Variants in MRTFA observed in about 807,000 individuals in gnomAD.
MRTFA encodes the protein myocardin related transcription factor A.
MRTFA carries 20 observed loss-of-function variants against 83.5 expected under a neutral mutation model. The ratio of observed to expected loss-of-function variants is 0.24; its 90% CI spans 0.17 to 0.35. The LOEUF (loss-of-function observed/expected upper bound fraction) is 0.35, where lower values mean the gene tolerates loss of function less well. MRTFA is among the 10% of genes least tolerant of loss of function. The probability of loss-of-function intolerance (pLI) is 1.00; values close to 1 mark genes in which losing one functional copy is unlikely to be tolerated. For missense variants in MRTFA, 1,200 were observed against 1,224.7 expected, an observed-to-expected ratio of 0.98 and a Z score of 0.30; for synonymous variants, 659 against 541.2, an observed-to-expected ratio of 1.22 and a Z score of -3.02.
At chr22:40,557,272 A>G (rs1181722127) in intron 2 of MRTFA, among the ~76,000 whole-genome samples, 2 of 152,232 alleles carry the variant, frequency 1.3e-5, no homozygotes, top group African/African-American at 2.4e-5. Flanking sequence ...AAATAATGTT[A>G]GGCAGTCAAG....
chr22:40,469,858 G>A (rs931954041), intron 3 of MRTFA, among the ~76,000 whole-genome samples: 3 of 152,000 alleles, frequency 2.0e-5, no homozygotes, highest in South Asian at 2.1e-4. Flanking sequence ...CAGAAAAATC[G>A]CTTGAGGCCA....
At chr22:40,533,503 G>T in intron 3 of MRTFA, 3 of 735,130 alleles carry the variant, frequency 4.1e-6, no homozygotes, top group South Asian at 7.1e-5. Context: ...GTACAAATAT[G>T]ACCCATTTTT....
chr22:40,523,302 A>C (rs1290671855), intron 3 of MRTFA: 1 of 152,196 alleles, frequency 6.6e-6, no homozygotes, highest in Non-Finnish European at 1.5e-5. Flanking sequence ...ATAAAAATAA[A>C]ATATCTTTTG....
rs906216524 is a variant in MRTFA, at chr22:40,410,795, A to G, written c.*595T>C. On this transcript the variant is annotated 3_prime_UTR_variant, in exon 15 of 15. Coordinates refer to ENST00000355630, the MANE Select transcript of MRTFA (RefSeq NM_020831.6). ...CCTGTCCGCCCCCCCCCAAAAATAT[A>G]TATGTATGTCGATATATAATATAGA... 8.6e-6 allele frequency: 2 copies of G among 232,218 alleles called. No individual in the cohort carries two copies. The highest frequency in any genetic ancestry group is 4.4e-5 in the African/African-American group (2 of 45,116). 14.4% of individuals were successfully genotyped at this position (232,218 alleles called of 1,614,324 possible). A position where few individuals can be genotyped will look rare whatever the true frequency, so the allele number is the denominator to read the frequency against.
chr22:40,552,262 C>G lies in MRTFA; in HGVS notation c.85G>C (p.Asp29His), dbSNP rs1427651169. The change falls in exon 3 of 15, where the codon GAT (aspartate) becomes CAT (histidine). Residue 29 changes from aspartate (D) to histidine (H), a missense_variant. Coordinates refer to ENST00000355630, the MANE Select transcript of MRTFA (RefSeq NM_020831.6). Reference sequence around the variant, plus strand: ...GATAAGGACACGAGCACTGGTTCATCATCATTTTCGCCGGCCCCTCCTCCG... The same window carrying G: ...GATAAGGACACGAGCACTGGTTCATGATCATTTTCGCCGGCCCCTCCTCCG... 2.5e-6 allele frequency: 1 copy of G among 398,922 alleles called. No individual in the cohort carries two copies. The highest frequency in any genetic ancestry group is 4.4e-6 in the Non-Finnish European group (1 of 226,096). 24.7% of individuals were successfully genotyped at this position (398,922 alleles called of 1,614,324 possible).
At chr22:40,631,612 C>G (rs1306833335) in intron 1 of MRTFA, among the ~76,000 whole-genome samples, 1 of 151,722 alleles carries the variant, frequency 6.6e-6, no homozygotes, top group Non-Finnish European at 1.5e-5. Flanking sequence ...TTACTGTTTT[C>G]ATCAATATAA....
rs560977349 is a variant in MRTFA, at chr22:40,535,352, T to C, written c.241+16754A>G. 8.9e-4 allele frequency among the ~76,000 whole-genome samples: 116 copies of C among 130,714 alleles called. 3 individuals carry two copies. The South Asian group carries it at 0.011, about 13-fold the overall frequency. 85.8% of individuals were successfully genotyped at this position (130,714 alleles called of 152,430 possible). A position where few individuals can be genotyped will look rare whatever the true frequency, so the allele number is the denominator to read the frequency against. ...TTGCTGTGTGAGAGGTTTTTTCTTT[T>C]TTTTTTTTTTTTTCTTTTTGAGACT... On this transcript the variant is annotated intron_variant, in intron 3 of 14. Transcript: ENST00000355630.
chr22:40,526,570 A>AT (rs2054977268), intron 3 of MRTFA: 1 of 152,268 alleles, frequency 6.6e-6, no homozygotes, highest in Non-Finnish European at 1.5e-5. Flanking sequence ...GTAGACGAGT[A>AT]TAAGGACTGT....
chr22:40,450,930 T>C (rs2053475273), intron 4 of MRTFA, among the ~76,000 whole-genome samples: 1 of 152,204 alleles, frequency 6.6e-6, no homozygotes, highest in Non-Finnish European at 1.5e-5. Context: ...TCAGTGCCCG[T>C]GTAACCTACA....
intron 5 of MRTFA, 123 bp downstream of exon 5, chr22:40,435,376 T>G: frequency 9.6e-7 from 1 of 1,043,094 alleles, no homozygotes. Flanking sequence ...GGGCTGGCCC[T>G]AGAGTCTAGC....
At chr22:40,435,070 C>T (rs1006586617) in intron 5 of MRTFA, among the ~76,000 whole-genome samples, 6 of 152,178 alleles carry the variant, frequency 3.9e-5, no homozygotes, top group Non-Finnish European at 5.9e-5. Flanking sequence ...CCTTGGAATG[C>T]CCGTCCTGTG....
chr22:40,509,447 C>G (rs2054631871), intron 3 of MRTFA, among the ~76,000 whole-genome samples: 1 of 152,162 alleles, frequency 6.6e-6, no homozygotes. Context: ...TGATAAAAAG[C>G]CAAATTCTCC....
intron 3 of MRTFA, among the ~76,000 whole-genome samples, chr22:40,518,835 T>G (rs1329681271): frequency 6.6e-6 from 1 of 151,168 alleles, no homozygotes; most frequent in East Asian, 1.9e-4. Flanking sequence ...GTGTCTGTCT[T>G]TCCTCTTCAT....
intron 4 of MRTFA, among the ~76,000 whole-genome samples, chr22:40,459,239 CAA>C (rs59958160): frequency 2.8e-3 from 248 of 87,092 alleles, no homozygotes; most frequent in African/African-American, 9.3e-3. Flanking sequence ...AGGGGTCTGG[CAA>C]AAAAAAAAAA....
At chr22:40,483,220 C>T (rs530189869) in intron 3 of MRTFA, among the ~76,000 whole-genome samples, 1 of 152,096 alleles carries the variant, frequency 6.6e-6, no homozygotes, top group African/African-American at 2.4e-5. Flanking sequence ...TCCACCACGT[C>T]TGGCTAATTT....
intron 1 of MRTFA, among the ~76,000 whole-genome samples, chr22:40,615,640 G>A (rs2056439528): frequency 6.6e-6 from 1 of 150,884 alleles, no homozygotes; most frequent in African/African-American, 2.4e-5. Flanking sequence ...ACTTCTCTTG[G>A]CAATGTTTTA....
intron 3 of MRTFA, among the ~76,000 whole-genome samples, chr22:40,499,935 T>C (rs2054428564): frequency 6.8e-6 from 1 of 146,230 alleles, no homozygotes; most frequent in African/African-American, 2.6e-5. Context: ...TTTTTTTTTT[T>C]TTTTGAGACC....
intron 2 of MRTFA, among the ~76,000 whole-genome samples, chr22:40,557,619 T>A (rs1355395624): frequency 2.0e-5 from 3 of 152,080 alleles, no homozygotes; most frequent in African/African-American, 4.8e-5. Context: ...TTAAAAAAAA[T>A]TTTAAATAGT....
chr22:40,520,366 T>G (rs1480634493), intron 3 of MRTFA, among the ~76,000 whole-genome samples: 1 of 152,176 alleles, frequency 6.6e-6, no homozygotes, highest in East Asian at 1.9e-4. Flanking sequence ...ATATGTGGCC[T>G]TTTATGTCTA....
Sources: gnomAD v4.1 joint callset for allele counts (sites outside exome capture counted in the v4.1 genomes callset) on GRCh38, gnomAD v4.1.1 for gene constraint, MANE v1.5 for transcripts, NCBI Gene and HGNC (gene_info 2026-07-23, HGNC 2026-07-21) for gene names.